Variants in LPP observed in about 807,000 individuals in gnomAD.
The protein encoded by LPP is lipoma-preferred partner.
Under a neutral mutation model 60.4 loss-of-function variants are expected in LPP, and 38 were observed. That is an observed-to-expected ratio of 0.63 (90% CI 0.49 to 0.83). The LOEUF is 0.83. LPP is among the 40% of genes least tolerant of loss of function. LPP has a pLI of 0.00. For synonymous variants in LPP, 328 were observed against 290.8 expected, an observed-to-expected ratio of 1.13 and a Z score of -1.30; for missense variants, 902 against 783.6, an observed-to-expected ratio of 1.15 and a Z score of -1.80.
At chr3:188,566,357 T>A (rs1832157039) in intron 6 of LPP, among the ~76,000 whole-genome samples, 1 of 151,948 alleles carries the variant, frequency 6.6e-6, no homozygotes, top group African/African-American at 2.4e-5. Context: ...AATAATATTG[T>A]TTTGAAAATG....
At chr3:188,373,238 G>A (rs901655137) in intron 3 of LPP, among the ~76,000 whole-genome samples, 1 of 152,128 alleles carries the variant, frequency 6.6e-6, no homozygotes, top group Non-Finnish European at 1.5e-5. Flanking sequence ...GGGATGGCTG[G>A]GTCAAATGGT....
intron 6 of LPP, among the ~76,000 whole-genome samples, chr3:188,548,524 G>C (rs1029258669): frequency 1.3e-5 from 2 of 152,118 alleles, no homozygotes; most frequent in Admixed American, 1.3e-4. Flanking sequence ...CAGCACTTCA[G>C]GTGCTTACTC....
chr3:188,179,616 C>T (rs1724317560), intron 1 of LPP: 1 of 389,972 alleles, frequency 2.6e-6, no homozygotes, highest in South Asian at 1.9e-5. Context: ...TACTAGAACT[C>T]CATTTCTCAT....
intron 7 of LPP, among the ~76,000 whole-genome samples, chr3:188,656,682 T>C (rs148508814): frequency 6.6e-6 from 1 of 152,286 alleles, no homozygotes; most frequent in Admixed American, 6.5e-5. Context: ...TAACATGACT[T>C]TCCCACTGAC....
chr3:188,283,921 G>T (rs1577838847), intron 2 of LPP, among the ~76,000 whole-genome samples: 1 of 151,932 alleles, frequency 6.6e-6, no homozygotes, highest in Non-Finnish European at 1.5e-5. Context: ...AGGTTGCAGT[G>T]AGCCGAGATT....
At chr3:188,781,722 A>C (rs1739756214) in intron 9 of LPP, among the ~76,000 whole-genome samples, 1 of 151,070 alleles carries the variant, frequency 6.6e-6, no homozygotes, top group African/African-American at 2.4e-5. Flanking sequence ...TCTCTACTAA[A>C]AAAAAAAAAA....
intron 2 of LPP, among the ~76,000 whole-genome samples, chr3:188,291,411 G>A (rs746577283): frequency 2.0e-5 from 3 of 152,004 alleles, no homozygotes; most frequent in South Asian, 2.1e-4. Context: ...AGGCCCAGGC[G>A]GGTGGATCAC....
chr3:188,722,104 T>G (rs1560114720), intron 8 of LPP, among the ~76,000 whole-genome samples: 1 of 152,184 alleles, frequency 6.6e-6, no homozygotes, highest in Non-Finnish European at 1.5e-5. Flanking sequence ...CACTTTATGC[T>G]CTGCTTGTTA....
chr3:188,628,450 C>T (rs1847259689), intron 7 of LPP, among the ~76,000 whole-genome samples: 1 of 151,914 alleles, frequency 6.6e-6, no homozygotes, highest in African/African-American at 2.4e-5. Flanking sequence ...ACAAAAAACC[C>T]TCAGCGACTC....
At chr3:188,676,784 G>T (rs1451806353) in intron 7 of LPP, among the ~76,000 whole-genome samples, 2 of 152,026 alleles carry the variant, frequency 1.3e-5, no homozygotes, top group Non-Finnish European at 2.9e-5. Flanking sequence ...TTGTGTAATT[G>T]CCTCCCAATG....
intron 7 of LPP, among the ~76,000 whole-genome samples, chr3:188,670,792 G>A (rs1553789081): frequency 6.6e-6 from 1 of 152,128 alleles, no homozygotes; most frequent in Non-Finnish European, 1.5e-5. Context: ...AGGATGACGG[G>A]AACAAACTCA....
At chr3:188,731,528 T>TTTG (rs1553817832) in intron 8 of LPP, among the ~76,000 whole-genome samples, 1 of 151,756 alleles carries the variant, frequency 6.6e-6, no homozygotes, top group African/African-American at 2.4e-5. Context: ...TTTGTTTTGT[T>TTTG]TTGTTTTGTT....
At position 188,217,553 on chromosome 3, in the gene LPP, G is replaced by A. The variant is rs768581921; in HGVS notation, c.-189-7852G>A. Reference sequence around the variant, plus strand: ...AAGAAGGTTAGGCTAGACTTTTACCGTAATTCAGGTGTGATGTGGTGGTAA... The same window carrying A: ...AAGAAGGTTAGGCTAGACTTTTACCATAATTCAGGTGTGATGTGGTGGTAA... On this transcript the variant is annotated intron_variant, in intron 1 of 11. Coordinates refer to ENST00000617246, the MANE Select transcript of LPP (RefSeq NM_001375462.1). The surrounding 1 kb of genome is among the most constrained non-coding windows in gnomAD (Gnocchi z 4.0). Among the ~76,000 whole-genome samples the A allele has an allele frequency of 6.6e-5, 10 of 152,100 alleles. No individual in the cohort carries two copies. Among genetic ancestry groups the A allele is most frequent in the Admixed American group, 2.6e-4 (4 of 15,262 alleles).
At chr3:188,261,055 A>G (rs1733453952) in intron 2 of LPP, among the ~76,000 whole-genome samples, 1 of 152,198 alleles carries the variant, frequency 6.6e-6, no homozygotes, top group Non-Finnish European at 1.5e-5. Flanking sequence ...CCTGGGCCAC[A>G]GAGCGAGACT....
In LPP at chr3:188,172,831, A is replaced by G. The variant is rs187352895; in HGVS notation, c.-190+18579A>G. On this transcript the variant is annotated intron_variant, in intron 1 of 11. Transcript: ENST00000617246. The stretch of plus-strand genomic sequence containing the variant: ...AGATCTAGTCCAGGATACCCAGTTT[A>G]GGATCATTTTAAAACTTTCATCTTC... Among the ~76,000 whole-genome samples, 257 of 152,276 alleles carry G rather than the reference A, an allele frequency of 1.7e-3. 2 individuals are homozygous for G. The highest frequency in any genetic ancestry group is 5.9e-3 in the African/African-American group (246 of 41,566).
At chr3:188,240,630 T>C (rs1724122478) in intron 2 of LPP, among the ~76,000 whole-genome samples, 2 of 152,256 alleles carry the variant, frequency 1.3e-5, no homozygotes, top group African/African-American at 2.4e-5. Context: ...GGGTAGAAAC[T>C]TTCATATAAA....
chr3:188,793,766 C>T (rs1744535764), intron 9 of LPP, among the ~76,000 whole-genome samples: 2 of 151,948 alleles, frequency 1.3e-5, no homozygotes, highest in South Asian at 4.2e-4. Flanking sequence ...GGTGCTAGGG[C>T]CAGTATTGTA....
chr3:188,222,434 A>G (rs1403732244), intron 1 of LPP, among the ~76,000 whole-genome samples: 1 of 152,182 alleles, frequency 6.6e-6, no homozygotes, highest in Non-Finnish European at 1.5e-5. Flanking sequence ...TAGATATGGG[A>G]TCCCAGGAAA....
intron 11 of LPP, 48 bp downstream of exon 11, chr3:188,872,811 G>T (rs778946964): frequency 6.2e-7 from 1 of 1,611,306 alleles, no homozygotes; most frequent in Non-Finnish European, 8.5e-7. Context: ...GCGTTGAAAG[G>T]CTCGTTCGAG....
Sources: allele counts gnomAD v4.1 joint callset (sites outside exome capture counted in the v4.1 genomes callset), GRCh38; gene constraint gnomAD v4.1.1; non-coding constraint Gnocchi (gnomAD v3.1); transcripts MANE v1.5; gene names NCBI Gene and HGNC (gene_info 2026-07-23, HGNC 2026-07-21).